Variants in SETX observed in about 807,000 individuals in gnomAD.
SETX encodes the protein helicase senataxin.
A neutral mutation model predicts 227.2 loss-of-function variants in SETX; 90 were observed. The ratio of observed to expected loss-of-function variants is 0.40; its 90% confidence interval spans 0.33 to 0.47. SETX has a LOEUF of 0.47. SETX is among the 20% of genes least tolerant of loss of function. The pLI, the probability that SETX is intolerant of heterozygous loss-of-function variation, is 0.91. For synonymous variants in SETX, 1,210 were observed against 1,113.2 expected, an observed-to-expected ratio of 1.09 and a Z score of -1.73; for missense variants, 3,052 against 3,181.5, an observed-to-expected ratio of 0.96 and a Z score of 0.98.
chr9:132,352,579 C>G (rs1169261650), intron 2 of SETX, among the ~76,000 whole-genome samples: 1 of 152,118 alleles, frequency 6.6e-6, no homozygotes, highest in Admixed American at 6.5e-5. Flanking sequence ...GGTGAAACCC[C>G]GTATCTACTA....
rs534931548 is a variant in SETX, at chr9:132,342,807, GA to G, written c.389-9del. 263 of 1,594,244 alleles carry G rather than the reference GA, an allele frequency of 1.6e-4. 3 individuals carry two copies. In the East Asian group the frequency reaches 5.7e-3, roughly 35 times the overall value. ...CTTCAACACATAACTCGTCTAAAAAGAAAAAAATAAGTAAAATACATAAATC... is the reference window on the plus strand; with the variant it reads ...CTTCAACACATAACTCGTCTAAAAAGAAAAAATAAGTAAAATACATAAATC... On this transcript the variant is annotated splice_polypyrimidine_tract_variant and intron_variant, in intron 4 of 25. Transcript: ENST00000224140.
chr9:132,356,216 T>C (rs1848906656), upstream of SETX, among the ~76,000 whole-genome samples: 1 of 151,726 alleles, frequency 6.6e-6, no homozygotes, highest in Non-Finnish European at 1.5e-5. Context: ...CCCTTTTTTG[T>C]TTTTGAGATG....
chr9:132,330,028 G>A lies in SETX; in HGVS notation c.1570C>T (p.His524Tyr). Reference sequence around the variant, plus strand: ...TGTACAGAGTTAGATGGCATGGAATGCAATGACAGTGAAGATATCATTGCT... The same window carrying A: ...TGTACAGAGTTAGATGGCATGGAATACAATGACAGTGAAGATATCATTGCT... ...GTAMISSLSL[H>Y]SMPSNSVQLA... Residue 524 changes from histidine (H) to tyrosine (Y), a missense_variant, in exon 10 of 26, where the codon CAT (histidine) becomes TAT (tyrosine). This residue lies in a region of SETX where 179 missense variants were observed against 197.1 expected (regional missense o/e 0.91). Transcript: ENST00000224140. The A allele has an allele frequency of 6.2e-7, 1 of 1,614,222 alleles. No homozygotes were observed.
rs1234616637 is a variant in SETX, at chr9:132,329,183, G to A, written c.2415C>T (p.Val805=). 6.8e-6 allele frequency: 11 copies of A among 1,612,922 alleles called. No individual in the cohort carries two copies. The highest frequency in any genetic ancestry group is 1.7e-5 in the Admixed American group (1 of 59,944). Residue 805 remains valine (V), a synonymous_variant, in exon 10 of 26, where the codon GTC becomes GTT. Transcript: ENST00000224140. The part of the protein sequence containing the change: ...IKKQHRKSTL[V]DNTINLDENL... ...TTTCATCTAAATTGATAGTATTATC[G>A]ACCAAAGTACTCTTCCTGTGTTGCT...
chr9:132,323,640 G>A (rs770039922), intron 10 of SETX, among the ~76,000 whole-genome samples: 9 of 152,154 alleles, frequency 5.9e-5, no homozygotes, highest in East Asian at 1.9e-4. Flanking sequence ...GATGGCTCAC[G>A]CCTGTAATCG....
At position 132,327,402 on chromosome 9, in the gene SETX, G is replaced by A. The variant is rs1251856218; in HGVS notation, c.4196C>T (p.Thr1399Ile). ...PESDRSDYNC[T>I]GGTEVLANSN... is the part of the protein sequence containing the mutation. The stretch of plus-strand genomic sequence containing the variant: ...GTTGGCAAGTACCTCAGTTCCTCCT[G>A]TACAATTATAATCTGACCTATCAGA... Residue 1399 changes from threonine (T) to isoleucine (I), a missense_variant, in exon 10 of 26, where the codon ACA becomes ATA. Thr to Ile is a moderately conservative substitution (Grantham distance 89, BLOSUM62 -1). This residue lies in a region of SETX where 1,483 missense variants were observed against 1,312.0 expected (regional missense o/e 1.13). Transcript: ENST00000224140. The A allele has an allele frequency of 1.9e-6, 3 of 1,614,136 alleles. No individual in the cohort carries two copies. The highest frequency in any genetic ancestry group is 1.1e-5 in the South Asian group (1 of 91,088).
intron 20 of SETX, among the ~76,000 whole-genome samples, chr9:132,280,986 A>C (rs1843469424): frequency 6.6e-6 from 1 of 152,152 alleles, no homozygotes; most frequent in African/African-American, 2.4e-5. Flanking sequence ...TAGAATACCA[A>C]ATTCTAAAAA....
At chr9:132,291,448 G>T (rs1281257759) in intron 15 of SETX, among the ~76,000 whole-genome samples, 1 of 152,106 alleles carries the variant, frequency 6.6e-6, no homozygotes, top group African/African-American at 2.4e-5. Flanking sequence ...TTACAGGAGT[G>T]AGCCACCTCG....
chr9:132,342,641 A>T (rs1047728508), intron 5 of SETX, 49 bp downstream of exon 5: 1 of 1,219,084 alleles, frequency 8.2e-7, no homozygotes, highest in Non-Finnish European at 1.2e-6. Flanking sequence ...AGCTATCTAT[A>T]GGTACAAAAG....
chr9:132,267,563 CAAAG>C (rs998192863), intron 25 of SETX, among the ~76,000 whole-genome samples: 31 of 152,162 alleles, frequency 2.0e-4, no homozygotes, highest in African/African-American at 7.0e-4. Flanking sequence ...CCCAAAACAA[CAAAG>C]AAAAAGCCCA....
chr9:132,336,446 G>C lies in SETX; in HGVS notation c.568C>G (p.Gln190Glu), dbSNP rs753191889. 1 of 1,614,062 alleles carries C rather than the reference G, an allele frequency of 6.2e-7. No homozygotes were observed. Among genetic ancestry groups the C allele is most frequent in the Non-Finnish European group, 8.5e-7 (1 of 1,179,952 alleles). The change falls in exon 6 of 26, where the codon CAA becomes GAA. Residue 190 changes from glutamine to glutamate, a missense_variant. By Grantham distance (29) the Gln-to-Glu change is conservative (BLOSUM62 2). Coordinates refer to ENST00000224140, the MANE Select transcript of SETX (RefSeq NM_015046.7). ...TTAAAAAGGCAAAGTAAAACTTCTT[G>C]TAAGTCATAATAATCATCTCTGTCC... Reference protein sequence around the residue: ...KVDRDDYYDLQEVLLCLFKVI... With the variant: ...KVDRDDYYDLEEVLLCLFKVI...
chr9:132,338,549 T>C (rs1819817051), intron 5 of SETX, among the ~76,000 whole-genome samples: 1 of 152,178 alleles, frequency 6.6e-6, no homozygotes, highest in Non-Finnish European at 1.5e-5. Context: ...GTTTTGCAAA[T>C]GCATGACCTC....
At position 132,262,463 on chromosome 9, in the gene SETX, A is replaced by ATTCC. The variant is rs1219571098; in HGVS notation, c.*1775_*1776insGGAA. ...AGATTTCTTCCCAAAGGCACATGGAAGAAGCTGATAGAGCCCTTGACCCAG... is the reference window on the plus strand; with the variant it reads ...AGATTTCTTCCCAAAGGCACATGGAATTCCGAAGCTGATAGAGCCCTTGACCCAG... On this transcript the variant is annotated 3_prime_UTR_variant, in exon 26 of 26. Coordinates refer to ENST00000224140, the MANE Select transcript of SETX (RefSeq NM_015046.7). 1 of 152,244 alleles carries ATTCC rather than the reference A, an allele frequency of 6.6e-6. No individual in the cohort carries two copies. Among genetic ancestry groups the ATTCC allele is most frequent in the Non-Finnish European group, 1.5e-5 (1 of 68,064 alleles). The allele number at this position is 152,244 out of a possible 1,614,324, so 9.4% of individuals were successfully genotyped here.
At position 132,328,530 on chromosome 9, in the gene SETX, T is replaced by G. The variant is rs778023335; in HGVS notation, c.3068A>C (p.Asp1023Ala). 1 of 1,613,948 alleles carries G rather than the reference T, an allele frequency of 6.2e-7. No homozygotes were observed. The highest frequency in any genetic ancestry group is 1.3e-5 in the African/African-American group (1 of 74,948). ...VIIISDSDDD[D>A]DERILSLEKL... ...CTCAAGACTCAGGATTCTTTCATCA[T>G]CATCATCATCAGAATCTGAAATAAT... is the stretch of plus-strand genomic sequence containing the variant. Residue 1023 changes from aspartate (D) to alanine (A), a missense_variant, in exon 10 of 26, where the codon GAT (aspartate) becomes GCT (alanine). Physicochemically the swap from Asp to Ala is moderately radical, Grantham distance 126. Around this residue, in one of 10 missense-constraint regions of SETX, gnomAD observed 1,483 missense variants for 1,312.0 expected, o/e 1.13. Transcript: ENST00000224140.
intron 11 of SETX, among the ~76,000 whole-genome samples, chr9:132,302,874 GGT>G (rs1174599025): frequency 6.6e-6 from 1 of 151,972 alleles, no homozygotes; most frequent in Non-Finnish European, 1.5e-5. Context: ...TAAAGAAAAC[GGT>G]GTTTAAAAGC....
intron 2 of SETX, among the ~76,000 whole-genome samples, chr9:132,352,100 C>A (rs1848633675): frequency 6.6e-6 from 1 of 152,216 alleles, no homozygotes; most frequent in Admixed American, 6.5e-5. Flanking sequence ...TTCACTACCT[C>A]CCAGCTCTTC....
chr9:132,283,816 A>G (rs1199072823), intron 18 of SETX, among the ~76,000 whole-genome samples: 1 of 152,184 alleles, frequency 6.6e-6, no homozygotes, highest in Admixed American at 6.6e-5. Flanking sequence ...TTTTTCTGTT[A>G]GTTTTTAAGT....
intron 12 of SETX, among the ~76,000 whole-genome samples, chr9:132,299,161 A>T (rs1364984387): frequency 6.6e-6 from 1 of 152,230 alleles, no homozygotes; most frequent in African/African-American, 2.4e-5. Flanking sequence ...AGAGAAAGTA[A>T]GGATCATGGA....
rs1589775185 is a variant in SETX at position 132,342,758 on chromosome 9, T to C, written c.430A>G (p.Asn144Asp). Residue 144 changes from asparagine (N) to aspartate (D), a missense_variant, in exon 5 of 26, where the codon AAT becomes GAT. Physicochemically the swap from Asn to Asp is conservative, Grantham distance 23 (BLOSUM62 1). This residue lies in a region of SETX where 10 missense variants were observed against 31.4 expected (regional missense o/e 0.32). Coordinates refer to ENST00000224140, the MANE Select transcript of SETX (RefSeq NM_015046.7). ...VEALCRMEQA[N>D]CSFQVFDKHP... ...TTATCAAACACCTGAAAGGAGCAAT[T>C]GGCTTGTTCCATCCGACAAAGTGCT... 1.9e-6 allele frequency: 3 copies of C among 1,614,058 alleles called. No individual in the cohort carries two copies. The highest frequency in any genetic ancestry group is 2.5e-6 in the Non-Finnish European group (3 of 1,180,004).
Sources: allele counts gnomAD v4.1 joint callset (sites outside exome capture counted in the v4.1 genomes callset), GRCh38; gene constraint gnomAD v4.1.1; regional missense constraint gnomAD v4.1.1; transcripts MANE v1.5; gene names NCBI Gene and HGNC (gene_info 2026-07-23, HGNC 2026-07-21).